The following AGAP1 variants were observed in gnomAD, a reference collection of about 807,000 sequenced individuals.
AGAP1 encodes the protein ArfGAP with GTPase domain, ankyrin repeat and PH domain 1.
In AGAP1, 29 loss-of-function variants were observed where a neutral mutation model predicts 105.3. The observed-to-expected ratio is 0.28, with a 90% CI of 0.21 to 0.38. The LOEUF is 0.38. Ranked by LOEUF, AGAP1 falls within the 10% of genes least tolerant of loss-of-function variation. The pLI is 1.00. For missense variants in AGAP1, 998 were observed against 1,165.1 expected (o/e 0.86, Z 2.09); for synonymous variants, 509 against 485.9 (o/e 1.05, Z -0.63).
In AGAP1 at chr2:235,930,720, G is replaced by A; in HGVS notation, c.1325-45G>A. The A allele has an allele frequency of 1.3e-6, 2 of 1,589,978 alleles. No homozygotes were observed. Among genetic ancestry groups the A allele is most frequent in the Non-Finnish European group, 8.6e-7 (1 of 1,167,648 alleles). On this transcript the variant is annotated intron_variant, in intron 11 of 17. Coordinates refer to ENST00000304032, the MANE Select transcript of AGAP1 (RefSeq NM_001037131.3). The surrounding 1 kb of genome is among the most constrained non-coding windows in gnomAD (Gnocchi z 7.9). ...TAGACTAACTCGCGCTGGTTTCTGT[G>A]GTCTGCAGTCCGCGGTGGTGTTCAC...
At chr2:235,892,582 GA>G (rs11336949) in intron 10 of AGAP1, among the ~76,000 whole-genome samples, 49,861 of 142,770 alleles carry the variant, frequency 0.35, 9,319 homozygotes, top group South Asian at 0.64. Flanking sequence ...AATCATTCAA[GA>G]AAAAAAAAAA....
At chr2:235,565,690 C>T (rs920165544) in intron 1 of AGAP1, among the ~76,000 whole-genome samples, 5 of 152,154 alleles carry the variant, frequency 3.3e-5, no homozygotes, top group South Asian at 2.1e-4. Flanking sequence ...GAGACAGGGT[C>T]GGCTCTGTCA....
At chr2:235,572,466 C>T (rs977186020) in intron 1 of AGAP1, among the ~76,000 whole-genome samples, 3 of 152,084 alleles carry the variant, frequency 2.0e-5, no homozygotes, top group Admixed American at 1.3e-4. Context: ...ACCCTTCCCC[C>T]GCAGGTGCTC....
intron 9 of AGAP1, among the ~76,000 whole-genome samples, chr2:235,812,577 A>G (rs1958209513): frequency 6.6e-6 from 1 of 152,230 alleles, no homozygotes; most frequent in South Asian, 2.1e-4. Context: ...AAACTTTGAC[A>G]CTGCTCACAG....
At chr2:235,516,682 C>T (rs962722704) in intron 1 of AGAP1, among the ~76,000 whole-genome samples, 2 of 152,278 alleles carry the variant, frequency 1.3e-5, no homozygotes, top group Admixed American at 1.3e-4. Flanking sequence ...CCCATCATAC[C>T]TGGAGACCCT....
At chr2:235,851,368 T>C (rs562992287) in intron 9 of AGAP1, among the ~76,000 whole-genome samples, 1 of 152,354 alleles carries the variant, frequency 6.6e-6, no homozygotes, top group South Asian at 2.1e-4. Flanking sequence ...CAAGGCCATC[T>C]CCTGGGAAGG....
intron 1 of AGAP1, among the ~76,000 whole-genome samples, chr2:235,523,297 C>T (rs979795813): frequency 4.6e-5 from 7 of 152,206 alleles, no homozygotes; most frequent in Non-Finnish European, 7.3e-5. Flanking sequence ...TTCAGGGGGA[C>T]ACATGCATTC....
At chr2:235,583,285 C>T (rs978039153) in intron 1 of AGAP1, among the ~76,000 whole-genome samples, 1 of 152,062 alleles carries the variant, frequency 6.6e-6, no homozygotes, top group South Asian at 2.1e-4. Flanking sequence ...GGCCTTGAAC[C>T]TTGGTCTTAA....
At chr2:235,796,918 TC>T (rs1957268913) in intron 6 of AGAP1, among the ~76,000 whole-genome samples, 1 of 152,236 alleles carries the variant, frequency 6.6e-6, no homozygotes, top group South Asian at 2.1e-4. Flanking sequence ...ATCGTTGACT[TC>T]CTTTCCAATT....
At chr2:235,946,029 G>C (rs569851061) in intron 12 of AGAP1, among the ~76,000 whole-genome samples, 1 of 152,004 alleles carries the variant, frequency 6.6e-6, no homozygotes, top group Admixed American at 6.5e-5. Flanking sequence ...CATTGGGGAT[G>C]ACAATTCAAC....
intron 2 of AGAP1, among the ~76,000 whole-genome samples, chr2:235,710,780 G>A (rs548423668): frequency 5.3e-5 from 8 of 152,142 alleles, no homozygotes; most frequent in African/African-American, 1.7e-4. Context: ...CGCAGTTTCC[G>A]TTACTTCCTG....
At position 235,745,153 on chromosome 2, in the gene AGAP1, C is replaced by T. The variant is rs183560027; in HGVS notation, c.538+314C>T. Among the ~76,000 whole-genome samples the T allele has an allele frequency of 8.4e-4, 128 of 152,090 alleles. 3 individuals carry two copies. In the East Asian group the frequency reaches 0.02, roughly 24 times the overall value. ...TGTATATGTTTTGTATATATATAGT[C>T]AAATACATATATATATTTTCTGCTA... On this transcript the variant is annotated intron_variant, in intron 5 of 17. Transcript: ENST00000304032.
intron 9 of AGAP1, among the ~76,000 whole-genome samples, chr2:235,844,424 G>A (rs1379400395): frequency 1.3e-5 from 2 of 152,172 alleles, no homozygotes; most frequent in Admixed American, 1.3e-4. Context: ...AGGAAAGCCA[G>A]GAATTTGGAT....
chr2:235,753,458 A>C lies in AGAP1; in HGVS notation c.673+2970A>C, dbSNP rs980889638. The stretch of plus-strand genomic sequence containing the variant: ...AGTGGCTCAGGCCTGTAATCCCAAC[A>C]CTTTGGGAGGCTGAGGAGGGCAGAT... On this transcript the variant is annotated intron_variant, in intron 6 of 17. Coordinates refer to ENST00000304032, the MANE Select transcript of AGAP1 (RefSeq NM_001037131.3). This position sits in a 1 kb window ranked among gnomAD's most constrained non-coding sequence, Gnocchi z 4.5. Among the ~76,000 whole-genome samples the C allele has an allele frequency of 2.0e-5, 3 of 152,024 alleles. No homozygotes were observed. The highest frequency in any genetic ancestry group is 7.2e-5 in the African/African-American group (3 of 41,380).
intron 1 of AGAP1, among the ~76,000 whole-genome samples, chr2:235,499,727 C>G (rs1941485631): frequency 6.6e-6 from 1 of 152,140 alleles, no homozygotes; most frequent in Admixed American, 6.5e-5. Context: ...CCTTGCCTCG[C>G]CAGAATTAAG....
chr2:235,801,713 C>T lies in AGAP1; in HGVS notation c.957+2191C>T, dbSNP rs72983049. ...TGAGAGAAGGTGGGCTGTGGGCAGG[C>T]GGCCTGTGCCCCGGGAGGAGGGGCG... On this transcript the variant is annotated intron_variant, in intron 8 of 17. Coordinates refer to ENST00000304032, the MANE Select transcript of AGAP1 (RefSeq NM_001037131.3). The surrounding 1 kb of genome is among the most constrained non-coding windows in gnomAD (Gnocchi z 6.0). Among the ~76,000 whole-genome samples, 11 of 152,170 alleles carry T rather than the reference C, an allele frequency of 7.2e-5. No individual in the cohort carries two copies. Among genetic ancestry groups the T allele is most frequent in the African/African-American group, 1.9e-4 (8 of 41,536 alleles).
chr2:236,084,113 C>G (rs2058858850), intron 16 of AGAP1, among the ~76,000 whole-genome samples: 1 of 152,144 alleles, frequency 6.6e-6, no homozygotes, highest in South Asian at 2.1e-4. Flanking sequence ...TCATAAAACC[C>G]CTACAGCCTG....
At position 235,830,949 on chromosome 2, in the gene AGAP1, G is replaced by A. The variant is rs528284178; in HGVS notation, c.1050+23618G>A. ...TGGGGACTCCTGTGAGAATGCTGAT[G>A]GGTGCCGCCTCCTCACCTGTGTGTC... On this transcript the variant is annotated intron_variant, in intron 9 of 17. Coordinates refer to ENST00000304032, the MANE Select transcript of AGAP1 (RefSeq NM_001037131.3). The surrounding 1 kb of genome is among the most constrained non-coding windows in gnomAD (Gnocchi z 5.5). 1.3e-5 allele frequency among the ~76,000 whole-genome samples: 2 copies of A among 152,208 alleles called. No homozygotes were observed. Among genetic ancestry groups the A allele is most frequent in the East Asian group, 3.9e-4 (2 of 5,170 alleles).
rs1000247173 is a variant in AGAP1 at position 236,121,290 on chromosome 2, G to A, written c.2370+843G>A. Among the ~76,000 whole-genome samples, 2 of 152,130 alleles carry A rather than the reference G, an allele frequency of 1.3e-5. No individual in the cohort carries two copies. Among genetic ancestry groups the A allele is most frequent in the African/African-American group, 4.8e-5 (2 of 41,432 alleles). The stretch of plus-strand genomic sequence containing the variant: ...GTGCAGCAGGTTTCTGCATGTTTTT[G>A]ATCTGACTTTTTTGTTTTTTGTTTT... On this transcript the variant is annotated intron_variant, in intron 17 of 17. Transcript: ENST00000304032. The surrounding 1 kb of genome is among the most constrained non-coding windows in gnomAD (Gnocchi z 4.9).
Sources: allele counts gnomAD v4.1 joint callset (sites outside exome capture counted in the v4.1 genomes callset), GRCh38; gene constraint gnomAD v4.1.1; non-coding constraint Gnocchi (gnomAD v3.1); transcripts MANE v1.5; gene names NCBI Gene and HGNC (gene_info 2026-07-23, HGNC 2026-07-21).